The following NOL4 variants were observed in gnomAD, a reference collection of about 807,000 sequenced individuals.
The protein encoded by NOL4 is cancer/testis antigen 125.
In NOL4, 17 loss-of-function variants were observed where a neutral mutation model predicts 75.9. The observed-to-expected ratio is 0.22, with a 90% CI of 0.15 to 0.34. NOL4 has a LOEUF of 0.34. Among genes scored for constraint, NOL4 ranks in the 10% least tolerant of loss-of-function variants. NOL4 has a pLI of 1.00. For synonymous variants in NOL4, 292 were observed against 289.9 expected (o/e 1.01, Z -0.07); for missense variants, 614 against 793.5 (o/e 0.77, Z 2.72).
intron 1 of NOL4, among the ~76,000 whole-genome samples, chr18:34,150,512 C>T (rs1365228811): frequency 3.3e-5 from 5 of 151,580 alleles, no homozygotes; most frequent in African/African-American, 7.3e-5. Context: ...ACAAACATTG[C>T]AGAACAGCTG....
chr18:34,056,341 T>C (rs1175550579), intron 5 of NOL4, among the ~76,000 whole-genome samples: 1 of 152,216 alleles, frequency 6.6e-6, no homozygotes, highest in African/African-American at 2.4e-5. Context: ...AAAACGTTTC[T>C]GAGGATGTTT....
intron 2 of NOL4, among the ~76,000 whole-genome samples, chr18:34,125,550 T>C (rs1041874292): frequency 1.3e-5 from 2 of 152,092 alleles, no homozygotes; most frequent in Non-Finnish European, 2.9e-5. Context: ...ATAGAGACAG[T>C]GAACCAATAG....
intron 10 of NOL4, among the ~76,000 whole-genome samples, chr18:33,869,584 G>C (rs1279909085): frequency 6.6e-6 from 1 of 152,020 alleles, no homozygotes; most frequent in African/African-American, 2.4e-5. Context: ...CCAAAGGTCA[G>C]CAAGCATGGA....
At chr18:34,196,745 T>C (rs560668216) in intron 1 of NOL4, among the ~76,000 whole-genome samples, 1 of 152,176 alleles carries the variant, frequency 6.6e-6, no homozygotes, top group African/African-American at 2.4e-5. Context: ...ACTTTTGTCT[T>C]TCTCCATGTT....
intron 5 of NOL4, among the ~76,000 whole-genome samples, chr18:34,090,653 G>GA (rs1181350445): frequency 1.3e-5 from 2 of 149,076 alleles, no homozygotes; most frequent in East Asian, 2.0e-4. Flanking sequence ...AATGGCACCA[G>GA]AAAAAAAAAG....
intron 5 of NOL4, among the ~76,000 whole-genome samples, chr18:34,071,035 A>G (rs1392675017): frequency 6.6e-6 from 1 of 152,164 alleles, no homozygotes; most frequent in Non-Finnish European, 1.5e-5. Flanking sequence ...GTTCTATAGC[A>G]TAGCAGGGGT....
In NOL4 at chr18:34,222,343, T is replaced by A. The variant is rs568679584; in HGVS notation, c.264+647A>T. On this transcript the variant is annotated intron_variant, in intron 1 of 10. Coordinates refer to ENST00000261592, the MANE Select transcript of NOL4 (RefSeq NM_003787.5). Reference sequence around the variant, plus strand: ...TGGAAGAGGGAAGTGAGGAAGGGAATGGGGGGGCGGGGAGGAGGAATCTCC... The same window carrying A: ...TGGAAGAGGGAAGTGAGGAAGGGAAAGGGGGGGCGGGGAGGAGGAATCTCC... 495 of 1,039,428 alleles carry A rather than the reference T, an allele frequency of 4.8e-4. 4 individuals are homozygous for A. The highest frequency in any genetic ancestry group is 2.3e-3 in the South Asian group (96 of 40,874). The allele number at this position is 1,039,428 out of a possible 1,614,324, so 64.4% of individuals were successfully genotyped here.
At chr18:34,117,777 G>T (rs2079930301) in intron 2 of NOL4, among the ~76,000 whole-genome samples, 1 of 152,118 alleles carries the variant, frequency 6.6e-6, no homozygotes, top group Admixed American at 6.6e-5. Flanking sequence ...TCTTCCTAAA[G>T]GAACAAGACA....
At chr18:33,969,125 G>A (rs956480802) in intron 6 of NOL4, among the ~76,000 whole-genome samples, 4 of 152,080 alleles carry the variant, frequency 2.6e-5, no homozygotes, top group Admixed American at 2.6e-4. Context: ...AGTGATTGAT[G>A]CCTTCATTAA....
intron 8 of NOL4, among the ~76,000 whole-genome samples, chr18:33,951,127 T>C (rs2069188980): frequency 6.6e-6 from 1 of 152,168 alleles, no homozygotes; most frequent in African/African-American, 2.4e-5. Context: ...TCACCAATGC[T>C]GCTAATTTTT....
chr18:34,136,535 C>G (rs1055754568), intron 1 of NOL4, among the ~76,000 whole-genome samples: 1 of 151,728 alleles, frequency 6.6e-6, no homozygotes, highest in Non-Finnish European at 1.5e-5. Context: ...TTTTTATTAG[C>G]AATGAACAAT....
intron 6 of NOL4, among the ~76,000 whole-genome samples, chr18:33,963,258 C>G (rs1344531952): frequency 6.6e-6 from 1 of 152,150 alleles, no homozygotes; most frequent in Non-Finnish European, 1.5e-5. Flanking sequence ...ACACATATCC[C>G]TCACAGAATC....
At chr18:34,145,887 C>A (rs944121026) in intron 1 of NOL4, among the ~76,000 whole-genome samples, 2 of 152,002 alleles carry the variant, frequency 1.3e-5, no homozygotes, top group African/African-American at 4.8e-5. Flanking sequence ...CCCAAGAAAA[C>A]AACACTGAAT....
At chr18:34,143,864 CAAAAAAAAAAA>C (rs754617814) in intron 1 of NOL4, among the ~76,000 whole-genome samples, 1 of 65,950 alleles carries the variant, frequency 1.5e-5, no homozygotes, top group Admixed American at 1.8e-4. Flanking sequence ...AACTCCATCT[CAAAAAAAAAAA>C]AAAAAAAAAA....
intron 6 of NOL4, among the ~76,000 whole-genome samples, chr18:33,988,204 C>A (rs114977452): frequency 6.6e-6 from 1 of 151,984 alleles, no homozygotes; most frequent in Non-Finnish European, 1.5e-5. Flanking sequence ...CTCTACACTT[C>A]GGAGGAAATT....
At chr18:34,032,159 G>A (rs1480958001) in intron 5 of NOL4, among the ~76,000 whole-genome samples, 3 of 152,198 alleles carry the variant, frequency 2.0e-5, no homozygotes, top group Non-Finnish European at 2.9e-5. Context: ...ACCACAGCAG[G>A]TCTTAGGTAT....
chr18:33,922,988 T>G (rs1188743212), intron 9 of NOL4, among the ~76,000 whole-genome samples: 3 of 152,164 alleles, frequency 2.0e-5, no homozygotes, highest in Non-Finnish European at 4.4e-5. Flanking sequence ...ATATTCATTT[T>G]CCACAAGCTT....
At chr18:34,027,611 T>C (rs1460897257) in intron 5 of NOL4, among the ~76,000 whole-genome samples, 4 of 152,230 alleles carry the variant, frequency 2.6e-5, no homozygotes, top group Non-Finnish European at 5.9e-5. Flanking sequence ...TCTAAACTCA[T>C]GATTTTCATA....
intron 10 of NOL4, among the ~76,000 whole-genome samples, chr18:33,864,206 C>T (rs576268090): frequency 5.9e-5 from 9 of 152,250 alleles, no homozygotes; most frequent in African/African-American, 2.2e-4. Context: ...GAGACATTTT[C>T]CCCTTTGTCT....
Sources: allele counts gnomAD v4.1 joint callset (sites outside exome capture counted in the v4.1 genomes callset), GRCh38; gene constraint gnomAD v4.1.1; transcripts MANE v1.5; gene names NCBI Gene and HGNC (gene_info 2026-07-23, HGNC 2026-07-21).